RPL9: variants seen among roughly 807,000 people sequenced by gnomAD.
The protein encoded by RPL9 is ribosomal protein L9, also known as large ribosomal subunit protein uL6.
For missense variants in RPL9, 149 were observed against 236.7 expected (o/e 0.63, Z 2.43); for synonymous variants, 82 against 77.1 (o/e 1.06, Z -0.33).
chr4:39,457,254 C>T (rs1274164682), intron 4 of RPL9: 1 of 206,362 alleles, frequency 4.8e-6, no homozygotes, highest in East Asian at 1.2e-4. Flanking sequence ...TCTAGCCATG[C>T]ATGGTGGCTC....
intron 4 of RPL9, 185 bp from the exon 5 acceptor site, chr4:39,456,723 T>C (rs1744101352): frequency 1.6e-6 from 1 of 632,172 alleles, no homozygotes; most frequent in Admixed American, 3.1e-5. Context: ...GTAAAGCTCC[T>C]TGCGGAGGCT....
chr4:39,458,657 G>C, intron 1 of RPL9: 1 of 625,524 alleles, frequency 1.6e-6, no homozygotes, highest in South Asian at 1.9e-5. Context: ...CTCCCACTCA[G>C]CCCAACCCTG....
At chr4:39,455,599 C>T (rs1460452182) in intron 5 of RPL9, among the ~76,000 whole-genome samples, 3 of 151,968 alleles carry the variant, frequency 2.0e-5, no homozygotes, top group African/African-American at 7.3e-5. Flanking sequence ...CGTGGCGAAA[C>T]AGTCTCTACA....
At chr4:39,458,707 G>C (rs993203898) in intron 1 of RPL9, 184 bp downstream of exon 1, 8 of 630,932 alleles carry the variant, frequency 1.3e-5, no homozygotes, top group Non-Finnish European at 2.3e-5. Context: ...CAAGACTGAG[G>C]GGCGGGAATA....
At chr4:39,456,909 G>A (rs1171249303) in intron 4 of RPL9, 1 of 203,796 alleles carries the variant, frequency 4.9e-6, no homozygotes, top group Admixed American at 5.3e-5. Context: ...GGAACTTAAG[G>A]CTAAGAGCAA....
At chr4:39,456,583 T>C (rs766414998) in intron 4 of RPL9, 45 bp from the exon 5 acceptor site, 10 of 1,584,822 alleles carry the variant, frequency 6.3e-6, no homozygotes, top group Non-Finnish European at 7.7e-6. Flanking sequence ...CTGAGGAATA[T>C]TTTTAATAGT....
At chr4:39,456,078 T>C (rs577669037) in intron 5 of RPL9, 2 of 345,930 alleles carry the variant, frequency 5.8e-6, no homozygotes, top group South Asian at 4.8e-5. Flanking sequence ...AAACATCACA[T>C]TGTGCTCCAT....
intron 4 of RPL9, 111 bp from the exon 5 acceptor site, chr4:39,456,649 G>A: frequency 8.5e-7 from 1 of 1,179,304 alleles, no homozygotes; most frequent in Admixed American, 2.5e-5. Flanking sequence ...TCACTGCCAA[G>A]ATTTTCTAAT....
rs1744074744 is a variant in RPL9 at position 39,456,101 on chromosome 4, T to C, written c.391+305A>G. On this transcript the variant is annotated intron_variant, in intron 5 of 7. Transcript: ENST00000295955. ...CATTGTGCTCCATAAATACACACCATTATATACACCTTTTGTAAATTTAAA... is the reference window on the plus strand; with the variant it reads ...CATTGTGCTCCATAAATACACACCACTATATACACCTTTTGTAAATTTAAA... The C allele has an allele frequency of 1.0e-5, 4 of 387,234 alleles. No homozygotes were observed. The Admixed American group carries it at 1.1e-4, about 11-fold the overall frequency. The allele number at this position is 387,234 out of a possible 1,614,324, so 24.0% of individuals were successfully genotyped here.
At chr4:39,458,506 A>G in intron 1 of RPL9, 66 bp from the exon 2 acceptor site, 1 of 1,535,478 alleles carries the variant, frequency 6.5e-7, no homozygotes, top group Middle Eastern at 1.7e-4. Flanking sequence ...TACGCCGCAC[A>G]GAGCTCCACT....
chr4:39,458,151 A>G, intron 3 of RPL9, 43 bp downstream of exon 3: 1 of 1,593,382 alleles, frequency 6.3e-7, no homozygotes, highest in Non-Finnish European at 8.6e-7. Flanking sequence ...GTTATAAACC[A>G]CCTTCCAACG....
intron 6 of RPL9, 28 bp from the exon 7 acceptor site, chr4:39,454,677 T>TCTTC: frequency 6.3e-7 from 1 of 1,582,046 alleles, no homozygotes; most frequent in Non-Finnish European, 8.7e-7. Context: ...AAGCAATTAA[T>TCTTC]ACATCAGCCT....
At chr4:39,457,353 T>TAA (rs60817258) in intron 4 of RPL9, 82,865 of 299,948 alleles carry the variant, frequency 0.28, 7,137 homozygotes, top group Admixed American at 0.33. Context: ...CAGCCTTGAT[T>TAA]AAAAAAAAAA....
intron 5 of RPL9, chr4:39,455,959 A>G (rs1245829260): frequency 8.4e-6 from 2 of 236,894 alleles, no homozygotes; most frequent in East Asian, 1.2e-4. Flanking sequence ...ACCACTACTC[A>G]TGTAGTTTTC....
At chr4:39,457,863 A>G (rs370344717) in intron 3 of RPL9, 182 bp from the exon 4 acceptor site, 24 of 637,916 alleles carry the variant, frequency 3.8e-5, no homozygotes, top group South Asian at 2.9e-4. Flanking sequence ...AGTTGCAACA[A>G]ACTTCCCTTC....
chr4:39,456,546 A>T lies in RPL9; in HGVS notation c.259-8T>A, dbSNP rs1285518598. On this transcript the variant is annotated splice_region_variant and splice_polypyrimidine_tract_variant and intron_variant, in intron 4 of 7. Coordinates refer to ENST00000295955, the MANE Select transcript of RPL9 (RefSeq NM_000661.5). ...CATCTTGTAACGGAAGCCCTATGTT[A>T]AATAAATAAGCAAGCTATTAGCAAT... 1 of 1,475,346 alleles carries T rather than the reference A, an allele frequency of 6.8e-7. No individual in the cohort carries two copies. Among genetic ancestry groups the T allele is most frequent in the Non-Finnish European group, 9.5e-7 (1 of 1,057,450 alleles). 91.4% of individuals were successfully genotyped at this position (1,475,346 alleles called of 1,614,324 possible).
chr4:39,455,305 T>G, intron 5 of RPL9: 1 of 169,308 alleles, frequency 5.9e-6, no homozygotes, highest in Non-Finnish European at 1.3e-5. Flanking sequence ...ACATAAGGGT[T>G]TTCATTAAAT....
Position 39,458,413 on chromosome 4 carries a change from A to G in RPL9, c.27T>C (p.Thr9=), listed in dbSNP as rs1183383642. The change falls in exon 2 of 8, where the codon ACT becomes ACC. Residue 9 remains threonine (T), a synonymous_variant. Transcript: ENST00000295955. MKTILSNQ[T]VDIPENVDIT... ...TCATACCATTTTCTGGAATGTCGAC[A>G]GTCTGATTGCTGAGAATAGTCTTCA... is the stretch of plus-strand genomic sequence containing the variant. The G allele has an allele frequency of 1.2e-6, 2 of 1,614,262 alleles. No homozygotes were observed. The highest frequency in any genetic ancestry group is 4.5e-5 in the East Asian group (2 of 44,892).
intron 5 of RPL9, chr4:39,456,165 C>T (rs960485083): frequency 3.5e-5 from 18 of 518,040 alleles, no homozygotes; most frequent in Non-Finnish European, 3.6e-5. Flanking sequence ...TTAAATACAA[C>T]CACCACTGCA....
Sources: allele counts gnomAD v4.1 joint callset (sites outside exome capture counted in the v4.1 genomes callset), GRCh38; gene constraint gnomAD v4.1.1; transcripts MANE v1.5; gene names NCBI Gene and HGNC (gene_info 2026-07-23, HGNC 2026-07-21).